The following GNAL variants were observed in gnomAD, a reference collection of about 807,000 sequenced individuals.
GNAL encodes the protein G protein subunit alpha L, also known as guanine nucleotide-binding protein G(olf) subunit alpha.
GNAL carries 18 observed loss-of-function variants against 55.1 expected under a neutral mutation model. The observed-to-expected ratio is 0.33, with a 90% CI of 0.23 to 0.48. The LOEUF (loss-of-function observed/expected upper bound fraction) is 0.48, where lower values mean the gene tolerates loss of function less well. Among genes scored for constraint, GNAL ranks in the 20% least tolerant of loss-of-function variants. GNAL has a pLI of 0.99. For missense variants in GNAL, 412 were observed against 614.1 expected (o/e 0.67, Z 3.48); for synonymous variants, 253 against 237.0 (o/e 1.07, Z -0.62).
intron 4 of GNAL, among the ~76,000 whole-genome samples, chr18:11,759,648 ACT>A (rs1175771207): frequency 2.0e-5 from 3 of 152,178 alleles, no homozygotes; most frequent in Non-Finnish European, 2.9e-5. Flanking sequence ...GCCTGGTGTG[ACT>A]CTGAGCAAGT....
chr18:11,776,707 CAAAAAAAA>C (rs33937288), intron 4 of GNAL, among the ~76,000 whole-genome samples: 2 of 71,648 alleles, frequency 2.8e-5, no homozygotes, highest in African/African-American at 5.2e-5. Flanking sequence ...GATCCTGCCT[CAAAAAAAA>C]AAAAAAAAAA....
chr18:11,818,859 A>T (rs2035023204), intron 4 of GNAL, among the ~76,000 whole-genome samples: 1 of 152,214 alleles, frequency 6.6e-6, no homozygotes. Flanking sequence ...CCCGACACTA[A>T]AATTAGAAGT....
At position 11,689,787 on chromosome 18, in the gene GNAL, G is replaced by C; in HGVS notation, c.224G>C (p.Arg75Pro). The C allele has an allele frequency of 6.5e-7, 1 of 1,532,834 alleles. No homozygotes were observed. Among genetic ancestry groups the C allele is most frequent in the African/African-American group, 1.4e-5 (1 of 70,370 alleles). 95.0% of individuals were successfully genotyped at this position (1,532,834 alleles called of 1,614,324 possible). A position where few individuals can be genotyped will look rare whatever the true frequency, so the allele number is the denominator to read the frequency against. Residue 75 changes from arginine (R) to proline (P), a missense_variant, in exon 1 of 12, where the codon CGG becomes CCG. Around this residue, in one of 5 missense-constraint regions of GNAL, gnomAD observed 228 missense variants for 194.8 expected, o/e 1.17. Transcript: ENST00000334049. ...RPKADKPKEK[R>P]QRTEQLSAEE... ...AAAGCAGACAAGCCGAAGGAGAAGCGGCAGCGCACCGAGCAGCTGAGTGCC... is the reference window on the plus strand; with the variant it reads ...AAAGCAGACAAGCCGAAGGAGAAGCCGCAGCGCACCGAGCAGCTGAGTGCC...
chr18:11,689,753 G>A lies in GNAL; in HGVS notation c.190G>A (p.Ala64Thr), dbSNP rs1406510597. 1 of 1,510,538 alleles carries A rather than the reference G, an allele frequency of 6.6e-7. No homozygotes were observed. Among genetic ancestry groups the A allele is most frequent in the Non-Finnish European group, 8.8e-7 (1 of 1,133,018 alleles). 93.6% of individuals were successfully genotyped at this position (1,510,538 alleles called of 1,614,324 possible). The change falls in exon 1 of 12, where the codon GCT (alanine) becomes ACT (threonine). Residue 64 changes from alanine (A) to threonine (T), a missense_variant. By Grantham distance (58) the Ala-to-Thr change is moderately conservative. Around this residue, in one of 5 missense-constraint regions of GNAL, gnomAD observed 228 missense variants for 194.8 expected, o/e 1.17. Transcript: ENST00000334049. The stretch of plus-strand genomic sequence containing the variant: ...GGGCGGCGAAGGGAGCCCGGCATGC[G>A]CTCGGCCCAAAGCAGACAAGCCGAA... ...PRGGEGSPAC[A>T]RPKADKPKEK...
chr18:11,722,450 T>C (rs2032116264), intron 1 of GNAL, among the ~76,000 whole-genome samples: 1 of 152,242 alleles, frequency 6.6e-6, no homozygotes, highest in South Asian at 2.1e-4. Context: ...CATCATTGCA[T>C]AGTACAACAG....
At chr18:11,878,207 T>C (rs1476583604) in intron 11 of GNAL, among the ~76,000 whole-genome samples, 5 of 152,154 alleles carry the variant, frequency 3.3e-5, no homozygotes, top group Admixed American at 3.3e-4. Context: ...TCCCAACACT[T>C]TGGGAGGCCA....
chr18:11,755,399 T>G (rs968143700), intron 4 of GNAL, among the ~76,000 whole-genome samples: 7 of 152,052 alleles, frequency 4.6e-5, no homozygotes, highest in South Asian at 4.1e-4. Flanking sequence ...TCAGCCTCCC[T>G]AGTAGCTGGG....
chr18:11,834,738 T>G (rs897488398), intron 5 of GNAL, among the ~76,000 whole-genome samples: 1 of 152,164 alleles, frequency 6.6e-6, no homozygotes, highest in Non-Finnish European at 1.5e-5. Flanking sequence ...GAAAGAAATT[T>G]TGTTCCAAGT....
chr18:11,864,199 G>T (rs2143847562), intron 6 of GNAL, among the ~76,000 whole-genome samples: 1 of 149,710 alleles, frequency 6.7e-6, no homozygotes, highest in Admixed American at 6.7e-5. Context: ...CGATTCTCCT[G>T]CCTCAGCTTC....
At chr18:11,776,819 C>T (rs1036004015) in intron 4 of GNAL, among the ~76,000 whole-genome samples, 1 of 151,602 alleles carries the variant, frequency 6.6e-6, no homozygotes, top group East Asian at 1.9e-4. Context: ...ACATGCTTCT[C>T]TTCACGACTA....
intron 1 of GNAL, among the ~76,000 whole-genome samples, chr18:11,695,515 G>A (rs1210055676): frequency 1.3e-5 from 2 of 152,118 alleles, no homozygotes; most frequent in African/African-American, 4.8e-5. Context: ...CATTCTTCAG[G>A]TGAATTTTTC....
chr18:11,718,129 A>AT (rs1313834393), intron 1 of GNAL, among the ~76,000 whole-genome samples: 1 of 152,208 alleles, frequency 6.6e-6, no homozygotes, highest in Non-Finnish European at 1.5e-5. Flanking sequence ...TTAAAAAAAA[A>AT]GTTGCATTCT....
intron 4 of GNAL, among the ~76,000 whole-genome samples, chr18:11,767,786 G>A (rs1322040368): frequency 6.6e-6 from 1 of 152,118 alleles, no homozygotes; most frequent in African/African-American, 2.4e-5. Flanking sequence ...ATCCCACCAG[G>A]TCTTGCTCTT....
intron 5 of GNAL, among the ~76,000 whole-genome samples, chr18:11,837,956 A>G (rs2035532047): frequency 1.3e-5 from 2 of 152,286 alleles, no homozygotes; most frequent in South Asian, 4.1e-4. Context: ...CCTTGGCAAC[A>G]TGGTGAAATC....
intron 1 of GNAL, among the ~76,000 whole-genome samples, chr18:11,717,881 C>T (rs374548401): frequency 5.9e-5 from 9 of 152,082 alleles, no homozygotes; most frequent in African/African-American, 1.9e-4. Flanking sequence ...TACAATAAAA[C>T]CTCAAGACAC....
intron 4 of GNAL, among the ~76,000 whole-genome samples, chr18:11,790,584 C>G (rs1368677121): frequency 2.0e-5 from 3 of 151,900 alleles, no homozygotes; most frequent in Admixed American, 1.3e-4. Flanking sequence ...CTCTGAGGCC[C>G]CTTTGACACT....
At chr18:11,849,200 T>C (rs1170330960) in intron 5 of GNAL, among the ~76,000 whole-genome samples, 1 of 152,168 alleles carries the variant, frequency 6.6e-6, no homozygotes, top group African/African-American at 2.4e-5. Context: ...TAGTCAGAAT[T>C]TGTCATTAAG....
intron 5 of GNAL, among the ~76,000 whole-genome samples, chr18:11,831,973 T>G (rs1267202992): frequency 6.6e-6 from 1 of 152,232 alleles, no homozygotes; most frequent in Non-Finnish European, 1.5e-5. Context: ...TGAGTGTCCT[T>G]GAAGCATTGA....
intron 4 of GNAL, among the ~76,000 whole-genome samples, chr18:11,800,134 T>C (rs778638376): frequency 3.3e-5 from 5 of 152,234 alleles, no homozygotes; most frequent in Non-Finnish European, 5.9e-5. Flanking sequence ...TGTATATTCA[T>C]GTCTTCATAC....
Sources: gnomAD v4.1 joint callset for allele counts (sites outside exome capture counted in the v4.1 genomes callset) on GRCh38, gnomAD v4.1.1 for gene constraint, gnomAD v4.1.1 regional missense constraint, MANE v1.5 for transcripts, NCBI Gene and HGNC (gene_info 2026-07-23, HGNC 2026-07-21) for gene names.